Variants in USP10 observed in about 807,000 individuals in gnomAD.
The protein encoded by USP10 is ubiquitin carboxyl-terminal hydrolase 10.
Under a neutral mutation model 84.5 loss-of-function variants are expected in USP10, and 22 were observed. The observed-to-expected ratio is 0.26, with a 90% confidence interval of 0.19 to 0.37. USP10 has a LOEUF of 0.37. USP10 is among the 10% of genes least tolerant of loss of function. The probability of loss-of-function intolerance (pLI) is 1.00; values close to 1 mark genes in which losing one functional copy is unlikely to be tolerated. For synonymous variants in USP10, 454 were observed against 387.6 expected (o/e 1.17, Z -2.01); for missense variants, 1,019 against 998.9 (o/e 1.02, Z -0.27).
At chr16:84,738,110 G>T (rs1244835273) in intron 2 of USP10, among the ~76,000 whole-genome samples, 1 of 86,494 alleles carries the variant, frequency 1.2e-5, no homozygotes, top group Non-Finnish European at 2.2e-5. Context: ...TGAAGTGGAT[G>T]GGTGAAGAGG....
chr16:84,774,353 C>T (rs766658586), intron 12 of USP10, among the ~76,000 whole-genome samples: 11 of 152,262 alleles, frequency 7.2e-5, no homozygotes, highest in Middle Eastern at 3.4e-3. Flanking sequence ...ACTCTTGTGT[C>T]GGTGTAAGTG....
rs934414061 is a variant in USP10 at position 84,744,781 on chromosome 16, C to A, written c.300C>A (p.Thr100=). ...TCGGTTGTACAGCTTCCAAAATAAC[C>A]CCTGATGGTATCACTAAAGAAGCAA... ...FILGCTASKI[T]PDGITKEASY... The change falls in exon 4 of 14, where the codon ACC becomes ACA. Residue 100 remains threonine, a synonymous_variant. Coordinates refer to ENST00000219473, the MANE Select transcript of USP10 (RefSeq NM_005153.3). 4.3e-6 allele frequency: 7 copies of A among 1,613,586 alleles called. No individual in the cohort carries two copies. The highest frequency in any genetic ancestry group is 1.3e-5 in the African/African-American group (1 of 74,864).
At chr16:84,777,196 A>G (rs1004649215) in intron 13 of USP10, among the ~76,000 whole-genome samples, 1 of 152,160 alleles carries the variant, frequency 6.6e-6, no homozygotes, top group South Asian at 2.1e-4. Context: ...GGGGGCTTGC[A>G]GGTGTGAGTG....
At chr16:84,710,938 A>G (rs1394895747) in intron 1 of USP10, among the ~76,000 whole-genome samples, 1 of 152,198 alleles carries the variant, frequency 6.6e-6, no homozygotes, top group Non-Finnish European at 1.5e-5. Context: ...ACGAAATCGT[A>G]TTTTGGACAA....
chr16:84,760,829 G>T (rs1913123608), intron 8 of USP10, among the ~76,000 whole-genome samples: 1 of 152,150 alleles, frequency 6.6e-6, no homozygotes, highest in Non-Finnish European at 1.5e-5. Context: ...GCCGCCCTTA[G>T]CACCGTTAAC....
At chr16:84,745,712 A>C in intron 4 of USP10, 39 bp downstream of exon 4, 1 of 1,555,550 alleles carries the variant, frequency 6.4e-7, no homozygotes, top group Non-Finnish European at 8.7e-7. Flanking sequence ...TGAAGATGGG[A>C]GCAGACCTCA....
At chr16:84,725,622 T>G (rs964869485) in intron 1 of USP10, among the ~76,000 whole-genome samples, 1 of 152,106 alleles carries the variant, frequency 6.6e-6, no homozygotes, top group African/African-American at 2.4e-5. Context: ...CAGTCTGTTC[T>G]CTGACTCCTG....
chr16:84,726,275 G>A lies in USP10; in HGVS notation c.22-7160G>A, dbSNP rs530724705. Among the ~76,000 whole-genome samples, 45 of 152,354 alleles carry A rather than the reference G, an allele frequency of 3.0e-4. No homozygotes were observed. The South Asian group carries it at 3.1e-3, about 11-fold the overall frequency. On this transcript the variant is annotated intron_variant, in intron 1 of 13. Coordinates refer to ENST00000219473, the MANE Select transcript of USP10 (RefSeq NM_005153.3). ...CCTGAAGCCGAAAGTGGCGTTTCCCGCAGTTCCGGCGGGAGAGCTGTAGCC... is the reference window on the plus strand; with the variant it reads ...CCTGAAGCCGAAAGTGGCGTTTCCCACAGTTCCGGCGGGAGAGCTGTAGCC...
chr16:84,717,706 G>A (rs1430451577), intron 1 of USP10, among the ~76,000 whole-genome samples: 1 of 152,186 alleles, frequency 6.6e-6, no homozygotes, highest in Admixed American at 6.5e-5. Context: ...CTGTAGAGTT[G>A]AAGAGGAGAT....
intron 2 of USP10, among the ~76,000 whole-genome samples, 171 bp from the exon 3 acceptor site, chr16:84,740,138 T>G (rs1045981954): frequency 6.6e-6 from 1 of 152,134 alleles, no homozygotes; most frequent in African/African-American, 2.4e-5. Context: ...TTTCGTTAAA[T>G]GAAGATGATT....
intron 3 of USP10, among the ~76,000 whole-genome samples, chr16:84,743,441 T>C (rs1462660933): frequency 6.6e-6 from 1 of 152,154 alleles, no homozygotes; most frequent in Non-Finnish European, 1.5e-5. Flanking sequence ...CGTCTGTATT[T>C]TTTCTTCTAC....
At chr16:84,734,864 G>C (rs1466994659) in intron 2 of USP10, among the ~76,000 whole-genome samples, 1 of 152,152 alleles carries the variant, frequency 6.6e-6, no homozygotes, top group Non-Finnish European at 1.5e-5. Context: ...CTGTGGCCCT[G>C]GCAGGTGCCT....
At position 84,733,639 on chromosome 16, in the gene USP10, C is replaced by T. The variant is rs959077000; in HGVS notation, c.90+136C>T. On this transcript the variant is annotated intron_variant, in intron 2 of 13. Transcript: ENST00000219473. ...GAGACTAATATGAGAAATGCCTCAA[C>T]CCACCAACTAGATTTGACTGACATT... 3 of 557,492 alleles carry T rather than the reference C, an allele frequency of 5.4e-6. No individual in the cohort carries two copies. The African/African-American group carries it at 5.9e-5, about 11-fold the overall frequency. The allele number at this position is 557,492 out of a possible 1,614,324, so 34.5% of individuals were successfully genotyped here. A position where few individuals can be genotyped will look rare whatever the true frequency, so the allele number is the denominator to read the frequency against.
chr16:84,758,724 G>C lies in USP10; in HGVS notation c.1201G>C (p.Glu401Gln). The C allele has an allele frequency of 1.9e-6, 3 of 1,612,276 alleles. No homozygotes were observed. The highest frequency in any genetic ancestry group is 2.5e-6 in the Non-Finnish European group (3 of 1,178,334). The part of the protein sequence containing the change: ...PVAIKIAELL[E>Q]NVTLIHKPVS... ...CTTCTTCACTCTTTCAGAGTTGCTG[G>C]AGAATGTAACCCTAATCCATAAACC... is the stretch of plus-strand genomic sequence containing the variant. The change falls in exon 5 of 14, where the codon GAG becomes CAG. Residue 401 changes from glutamate to glutamine, a missense_variant. Around this residue, in one of 2 missense-constraint regions of USP10, gnomAD observed 787 missense variants for 708.8 expected, o/e 1.11. Transcript: ENST00000219473.
intron 13 of USP10, among the ~76,000 whole-genome samples, chr16:84,776,173 G>T (rs892245608): frequency 2.6e-5 from 4 of 152,226 alleles, no homozygotes; most frequent in African/African-American, 9.6e-5. Flanking sequence ...ACTCAAGGAA[G>T]AAAACTCACC....
intron 12 of USP10, among the ~76,000 whole-genome samples, chr16:84,774,595 C>G (rs190019397): frequency 6.6e-6 from 1 of 151,444 alleles, no homozygotes; most frequent in Non-Finnish European, 1.5e-5. Context: ...CTCAGCCTCC[C>G]GAGTAGCTGA....
At chr16:84,728,353 T>C (rs1597316118) in intron 1 of USP10, among the ~76,000 whole-genome samples, 2 of 111,354 alleles carry the variant, frequency 1.8e-5, no homozygotes, top group African/African-American at 9.8e-5. Flanking sequence ...ATTTGGCCTT[T>C]TTTACTTTTT....
chr16:84,714,948 G>C (rs1297314354), intron 1 of USP10, among the ~76,000 whole-genome samples: 3 of 122,342 alleles, frequency 2.5e-5, no homozygotes, highest in African/African-American at 9.1e-5. Context: ...TTTTTTTTTT[G>C]AGATGGAGTC....
chr16:84,738,011 T>C (rs189168152), intron 2 of USP10, among the ~76,000 whole-genome samples: 79 of 152,188 alleles, frequency 5.2e-4, no homozygotes, highest in African/African-American at 1.8e-3. Context: ...TGGCTGGGAG[T>C]TGAGTGAGTG....
Sources: gnomAD v4.1 joint callset for allele counts (sites outside exome capture counted in the v4.1 genomes callset) on GRCh38, gnomAD v4.1.1 for gene constraint, gnomAD v4.1.1 regional missense constraint, MANE v1.5 for transcripts, NCBI Gene and HGNC (gene_info 2026-07-23, HGNC 2026-07-21) for gene names.